The following DAPK1 variants were observed in gnomAD, a reference collection of about 807,000 sequenced individuals.
The protein encoded by DAPK1 is death associated protein kinase 1.
DAPK1 carries 56 observed loss-of-function variants against 144.9 expected under a neutral mutation model. The observed-to-expected ratio is 0.39, with a 90% CI of 0.31 to 0.48. The LOEUF is 0.48. Among genes scored for constraint, DAPK1 ranks in the 20% least tolerant of loss-of-function variants. The probability of loss-of-function intolerance (pLI) is 0.95; values close to 1 mark genes in which losing one functional copy is unlikely to be tolerated. For synonymous variants in DAPK1, 690 were observed against 749.0 expected (o/e 0.92, Z 1.29); for missense variants, 1,454 against 1,875.4 (o/e 0.78, Z 4.15).
intron 19 of DAPK1, among the ~76,000 whole-genome samples, chr9:87,672,444 G>T (rs575927795): frequency 6.6e-6 from 1 of 152,274 alleles, no homozygotes; most frequent in Admixed American, 6.5e-5. Flanking sequence ...GGCTCGGGGG[G>T]CTCCAGGGCA....
At chr9:87,583,172 G>C (rs758044924) in intron 2 of DAPK1, among the ~76,000 whole-genome samples, 2 of 152,136 alleles carry the variant, frequency 1.3e-5, no homozygotes, top group Non-Finnish European at 2.9e-5. Flanking sequence ...TCACAGCCAG[G>C]ATAGGGAAGA....
intron 19 of DAPK1, among the ~76,000 whole-genome samples, chr9:87,677,361 C>T (rs866974398): frequency 1.3e-5 from 2 of 152,124 alleles, no homozygotes; most frequent in African/African-American, 2.4e-5. Context: ...ACAGGGGCAG[C>T]GGTGTCTGTA....
At chr9:87,552,911 T>C (rs755422980) in intron 2 of DAPK1, among the ~76,000 whole-genome samples, 1 of 152,112 alleles carries the variant, frequency 6.6e-6, no homozygotes, top group African/African-American at 2.4e-5. Context: ...TATTTACCAT[T>C]TGAACCATTT....
chr9:87,580,855 T>C (rs909300001), intron 2 of DAPK1, among the ~76,000 whole-genome samples: 1 of 152,206 alleles, frequency 6.6e-6, no homozygotes, highest in African/African-American at 2.4e-5. Flanking sequence ...GAAGCAGTGC[T>C]CTGAGTATGG....
At chr9:87,654,773 G>A (rs887821671) in intron 17 of DAPK1, among the ~76,000 whole-genome samples, 1 of 152,184 alleles carries the variant, frequency 6.6e-6, no homozygotes, top group Non-Finnish European at 1.5e-5. Flanking sequence ...TATGTGTGCA[G>A]CATCTAGAAT....
In DAPK1 at chr9:87,604,978, A is replaced by AT. The variant is rs1300885159; in HGVS notation, c.88dup (p.Cys30LeufsTer3). On this transcript the variant is annotated frameshift_variant, in exon 3 of 26. Transcript: ENST00000408954. Reference sequence around the variant, plus strand: ...GTGGACAGTTTGCGGTTGTGAAGAAATGCCGTGAGAAAAGCACCGGCCTCC... The same window carrying AT: ...GTGGACAGTTTGCGGTTGTGAAGAAATTGCCGTGAGAAAAGCACCGGCCTCC... 1.2e-6 allele frequency: 2 copies of AT among 1,614,130 alleles called. No individual in the cohort carries two copies. The highest frequency in any genetic ancestry group is 1.7e-6 in the Non-Finnish European group (2 of 1,179,992).
In DAPK1 at chr9:87,651,548, C is replaced by T. The variant is rs776857444; in HGVS notation, c.1648C>T (p.Leu550=). ...CCAGGACGGACACATTGCCCTTCAT[C>T]TGGCTGTAAGACGGTGTCAGATGGA... ...CDKDGHIALH[L]AVRRCQMEVI... is the part of the protein sequence containing the mutation. Residue 550 remains leucine, a synonymous_variant, in exon 17 of 26, where the codon CTG becomes TTG. Transcript: ENST00000408954. 1 of 1,614,180 alleles carries T rather than the reference C, an allele frequency of 6.2e-7. No homozygotes were observed. Among genetic ancestry groups the T allele is most frequent in the Non-Finnish European group, 8.5e-7 (1 of 1,180,028 alleles).
intron 2 of DAPK1, among the ~76,000 whole-genome samples, chr9:87,563,692 A>T (rs1827013747): frequency 1.3e-5 from 2 of 152,218 alleles, no homozygotes; most frequent in African/African-American, 4.8e-5. Flanking sequence ...CCAGATGTTC[A>T]GGTGAGGCTG....
At chr9:87,702,557 G>A (rs997480495) in intron 24 of DAPK1, among the ~76,000 whole-genome samples, 1 of 152,162 alleles carries the variant, frequency 6.6e-6, no homozygotes. Flanking sequence ...AAAAAGTGAG[G>A]GAGTGAAACA....
intron 2 of DAPK1, among the ~76,000 whole-genome samples, chr9:87,512,469 C>T (rs139580839): frequency 6.4e-4 from 98 of 152,162 alleles, no homozygotes; most frequent in African/African-American, 2.3e-3. Flanking sequence ...CAGAACTGTC[C>T]GTGCCAAGAA....
intron 2 of DAPK1, among the ~76,000 whole-genome samples, chr9:87,598,267 A>C (rs1828390332): frequency 6.6e-6 from 1 of 152,212 alleles, no homozygotes; most frequent in African/African-American, 2.4e-5. Flanking sequence ...AGTAGAAATT[A>C]CTTTGTGTTA....
At chr9:87,640,937 C>G in intron 9 of DAPK1, 90 bp downstream of exon 9, 4 of 1,227,516 alleles carry the variant, frequency 3.3e-6, no homozygotes, top group South Asian at 2.4e-5. Context: ...GTACTGCTAA[C>G]CACAGGTCAC....
chr9:87,629,146 A>C (rs1044105586), intron 3 of DAPK1, among the ~76,000 whole-genome samples: 7 of 152,220 alleles, frequency 4.6e-5, no homozygotes, highest in African/African-American at 1.4e-4. Flanking sequence ...AACCAAGTTA[A>C]AATGAGGGCA....
chr9:87,696,888 C>A, intron 21 of DAPK1, 119 bp from the exon 22 acceptor site: 1 of 736,294 alleles, frequency 1.4e-6, no homozygotes, highest in Non-Finnish European at 2.5e-6. Context: ...TATACACATA[C>A]AGAAGAATGC....
rs146083330 is a variant in DAPK1, at chr9:87,579,558, G to T, written c.63-25396G>T. Among the ~76,000 whole-genome samples the T allele has an allele frequency of 3.3e-3, 504 of 152,222 alleles. 5 individuals carry two copies. Among genetic ancestry groups the T allele is most frequent in the African/African-American group, 0.012 (490 of 41,540 alleles). On this transcript the variant is annotated intron_variant, in intron 2 of 25. Transcript: ENST00000408954. ...CACCTTTACATCCTAGTTGCTCTACGTTGGGAATAATAGCAGAGGCACCCA... is the reference window on the plus strand; with the variant it reads ...CACCTTTACATCCTAGTTGCTCTACTTTGGGAATAATAGCAGAGGCACCCA...
chr9:87,517,662 A>G (rs965077084), intron 2 of DAPK1, among the ~76,000 whole-genome samples: 1 of 152,196 alleles, frequency 6.6e-6, no homozygotes, highest in Non-Finnish European at 1.5e-5. Context: ...AAGTTCCTTA[A>G]GATGCATAGT....
intron 19 of DAPK1, among the ~76,000 whole-genome samples, chr9:87,673,684 C>T (rs544528843): frequency 2.6e-5 from 4 of 152,250 alleles, no homozygotes; most frequent in East Asian, 3.9e-4. Flanking sequence ...GTGCAGGAGC[C>T]TCTGGTGCTG....
At chr9:87,618,954 G>C (rs906058465) in intron 3 of DAPK1, among the ~76,000 whole-genome samples, 1 of 152,136 alleles carries the variant, frequency 6.6e-6, no homozygotes, top group African/African-American at 2.4e-5. Context: ...ACTCCCTCCT[G>C]CCCGCTGAAT....
intron 19 of DAPK1, among the ~76,000 whole-genome samples, chr9:87,670,565 CAG>C (rs1831217683): frequency 6.6e-6 from 1 of 152,160 alleles, no homozygotes; most frequent in Admixed American, 6.5e-5. Flanking sequence ...GGTTTCCACA[CAG>C]AGAGGCTGCA....
Sources: gnomAD v4.1 joint callset for allele counts (sites outside exome capture counted in the v4.1 genomes callset) on GRCh38, gnomAD v4.1.1 for gene constraint, MANE v1.5 for transcripts, NCBI Gene and HGNC (gene_info 2026-07-23, HGNC 2026-07-21) for gene names.